NTMT2: variants seen among roughly 807,000 people sequenced by gnomAD.
NTMT2 encodes X-Pro-Lys N-terminal protein methyltransferase 1B.
Under a neutral mutation model 23.4 loss-of-function variants are expected in NTMT2, and 21 were observed. The ratio of observed to expected loss-of-function variants is 0.90; its 90% CI spans 0.64 to 1.29. The LOEUF (loss-of-function observed/expected upper bound fraction) is 1.29, where lower values mean the gene tolerates loss of function less well. NTMT2 is among the 50% of genes most tolerant of loss of function. NTMT2 has a pLI of 0.00. For synonymous variants in NTMT2, 131 were observed against 127.7 expected, an observed-to-expected ratio of 1.03 and a Z score of -0.17; for missense variants, 336 against 352.0, an observed-to-expected ratio of 0.95 and a Z score of 0.36.
At chr1:170,166,451 A>C in intron 2 of NTMT2, 51 bp from the exon 3 acceptor site, 1 of 1,546,826 alleles carries the variant, frequency 6.5e-7, no homozygotes, top group Non-Finnish European at 8.7e-7. Flanking sequence ...TGGGTGTGCA[A>C]TTTTCAAGGA....
intron 1 of NTMT2, among the ~76,000 whole-genome samples, chr1:170,155,732 T>C (rs1337419215): frequency 6.6e-6 from 1 of 152,112 alleles, no homozygotes; most frequent in African/African-American, 2.4e-5. Flanking sequence ...GAAAAGAGGA[T>C]ACTCAGCAGA....
At chr1:170,153,709 G>T (rs549886439) in intron 1 of NTMT2, among the ~76,000 whole-genome samples, 1 of 152,210 alleles carries the variant, frequency 6.6e-6, no homozygotes, top group Non-Finnish European at 1.5e-5. Context: ...GGATTTGGAA[G>T]CGAGAAATGA....
chr1:170,167,524 C>T lies in NTMT2; in HGVS notation c.619C>T (p.Arg207Trp), dbSNP rs778435238. 89 of 1,551,386 alleles carry T rather than the reference C, an allele frequency of 5.7e-5. No homozygotes were observed. Among genetic ancestry groups the T allele is most frequent in the Non-Finnish European group, 7.2e-5 (83 of 1,146,924 alleles). Residue 207 changes from arginine (R) to tryptophan (W), a missense_variant, in exon 4 of 4, where the codon CGG becomes TGG. Coordinates refer to ENST00000439373, the MANE Select transcript of NTMT2 (RefSeq NM_001136107.2). ...TDKDLLAFLS[R>W]CRDGLKENGI... ...TAAGGACCTTCTTGCATTTCTTTCCCGGTGCCGAGATGGCCTGAAAGAAAA... is the reference window on the plus strand; with the variant it reads ...TAAGGACCTTCTTGCATTTCTTTCCTGGTGCCGAGATGGCCTGAAAGAAAA...
chr1:170,160,965 G>A (rs1673263754), intron 2 of NTMT2, among the ~76,000 whole-genome samples: 1 of 152,162 alleles, frequency 6.6e-6, no homozygotes. Context: ...TAGCAGTGTT[G>A]ATATAAAATT....
Position 170,167,513 on chromosome 1 carries a change from C to A in NTMT2, c.608C>A (p.Ala203Glu). Residue 203 changes from alanine (A) to glutamate (E), a missense_variant, in exon 4 of 4, where the codon GCA becomes GAA. By Grantham distance (107) the Ala-to-Glu change is moderately radical. Coordinates refer to ENST00000439373, the MANE Select transcript of NTMT2 (RefSeq NM_001136107.2). ...CACCTGACTGATAAGGACCTTCTTG[C>A]ATTTCTTTCCCGGTGCCGAGATGGC... ...SGHLTDKDLL[A>E]FLSRCRDGLK... The A allele has an allele frequency of 6.4e-7, 1 of 1,551,212 alleles. No homozygotes were observed. Among genetic ancestry groups the A allele is most frequent in the Non-Finnish European group, 8.7e-7 (1 of 1,146,714 alleles).
At chr1:170,147,046 G>GT (rs1400523827) in intron 1 of NTMT2, among the ~76,000 whole-genome samples, 1 of 152,210 alleles carries the variant, frequency 6.6e-6, no homozygotes, top group Non-Finnish European at 1.5e-5. Flanking sequence ...AGAAGGCTGT[G>GT]TATCAGCCTA....
intron 3 of NTMT2, 117 bp downstream of exon 3, chr1:170,166,868 T>C: frequency 9.5e-7 from 1 of 1,056,818 alleles, no homozygotes; most frequent in African/African-American, 1.6e-5. Context: ...AGCAGTTAGC[T>C]AGCCTTAGGT....
At chr1:170,164,921 TA>T (rs1212545446) in intron 2 of NTMT2, among the ~76,000 whole-genome samples, 1 of 152,234 alleles carries the variant, frequency 6.6e-6, no homozygotes, top group Admixed American at 6.5e-5. Context: ...TGGCTATTAT[TA>T]TTCCATTTGG....
At chr1:170,155,908 C>T (rs1673155577) in intron 1 of NTMT2, among the ~76,000 whole-genome samples, 1 of 151,588 alleles carries the variant, frequency 6.6e-6, no homozygotes, top group Non-Finnish European at 1.5e-5. Flanking sequence ...TGTTTTTCTC[C>T]AAATTTTTAT....
chr1:170,158,869 A>G (rs1343520598), intron 1 of NTMT2, among the ~76,000 whole-genome samples: 2 of 151,958 alleles, frequency 1.3e-5, no homozygotes. Context: ...TTGGAATCTT[A>G]TCTTTAATTT....
Position 170,167,538 on chromosome 1 carries a change from C to A in NTMT2, c.633C>A (p.Gly211=), listed in dbSNP as rs191834724. ...CATTTCTTTCCCGGTGCCGAGATGG[C>A]CTGAAAGAAAATGGCATCATCATAT... ...LLAFLSRCRD[G]LKENGIIILK... is the part of the protein sequence containing the mutation. The change falls in exon 4 of 4, where the codon GGC becomes GGA. Residue 211 remains glycine (G), a synonymous_variant. Transcript: ENST00000439373. The A allele has an allele frequency of 6.4e-7, 1 of 1,551,664 alleles. No homozygotes were observed. The highest frequency in any genetic ancestry group is 1.2e-5 in the South Asian group (1 of 84,056).
chr1:170,146,367 C>A, intron 1 of NTMT2, 106 bp downstream of exon 1: 4 of 1,060,004 alleles, frequency 3.8e-6, no homozygotes, highest in Admixed American at 2.9e-5. Context: ...ACTTTTCAGA[C>A]AAAAAAAACT....
At position 170,146,050 on chromosome 1, in the gene NTMT2, A is replaced by G; in HGVS notation, c.-58A>G. 2 of 1,472,324 alleles carry G rather than the reference A, an allele frequency of 1.4e-6. No homozygotes were observed. Among genetic ancestry groups the G allele is most frequent in the Admixed American group, 4.6e-5 (2 of 43,782 alleles). 91.2% of individuals were successfully genotyped at this position (1,472,324 alleles called of 1,614,324 possible). On this transcript the variant is annotated 5_prime_UTR_variant, in exon 1 of 4. Transcript: ENST00000439373. Reference sequence around the variant, plus strand: ...CATTTAGAAAGAGAAGGCTAATTCAAAGAAACAGCAAGGCAAGCTTCCTTT... The same window carrying G: ...CATTTAGAAAGAGAAGGCTAATTCAGAGAAACAGCAAGGCAAGCTTCCTTT...
chr1:170,148,405 G>A (rs1346421770), intron 1 of NTMT2, among the ~76,000 whole-genome samples: 2 of 151,768 alleles, frequency 1.3e-5, no homozygotes, highest in Non-Finnish European at 2.9e-5. Context: ...CCCGTCCAGA[G>A]GCACTTCTCT....
rs1023526554 is a variant in NTMT2 at position 170,167,576 on chromosome 1, T to A, written c.671T>A (p.Val224Glu). The change falls in exon 4 of 4, where the codon GTG (valine) becomes GAG (glutamate). Residue 224 changes from valine (V) to glutamate (E), a missense_variant. Coordinates refer to ENST00000439373, the MANE Select transcript of NTMT2 (RefSeq NM_001136107.2). ...GGCATCATCATATTGAAGGACAATGTGGCCCGGGAGGGCTGTATCCTTGAT... is the reference window on the plus strand; with the variant it reads ...GGCATCATCATATTGAAGGACAATGAGGCCCGGGAGGGCTGTATCCTTGAT... ...ENGIIILKDN[V>E]AREGCILDLS... The A allele has an allele frequency of 3.2e-6, 5 of 1,551,626 alleles. No homozygotes were observed. In the African/African-American group the frequency reaches 6.8e-5, roughly 21 times the overall value.
At chr1:170,162,514 T>C (rs1356604573) in intron 2 of NTMT2, among the ~76,000 whole-genome samples, 1 of 152,170 alleles carries the variant, frequency 6.6e-6, no homozygotes, top group Non-Finnish European at 1.5e-5. Context: ...ATGAAGACTG[T>C]GGATATTTAT....
At position 170,167,778 on chromosome 1, in the gene NTMT2, A is replaced by T. The variant is rs1673426741; in HGVS notation, c.*21A>T. The T allele has an allele frequency of 6.5e-7, 1 of 1,538,430 alleles. No individual in the cohort carries two copies. The highest frequency in any genetic ancestry group is 1.4e-5 in the African/African-American group (1 of 72,934). The stretch of plus-strand genomic sequence containing the variant: ...CCTGAAAAAGCAGTGGGAATGAACG[A>T]CTGGACTGGGCAGTGGTGCTTTGGG... On this transcript the variant is annotated 3_prime_UTR_variant, in exon 4 of 4. Coordinates refer to ENST00000439373, the MANE Select transcript of NTMT2 (RefSeq NM_001136107.2).
At chr1:170,152,719 C>T (rs1050720870) in intron 1 of NTMT2, among the ~76,000 whole-genome samples, 1 of 151,290 alleles carries the variant, frequency 6.6e-6, no homozygotes. Context: ...CCCCCCCCCA[C>T]CACCATTGTT....
chr1:170,165,759 G>C (rs1323721697), intron 2 of NTMT2, among the ~76,000 whole-genome samples: 1 of 151,450 alleles, frequency 6.6e-6, no homozygotes, highest in East Asian at 1.9e-4. Context: ...GCAACAATCT[G>C]TAGTGTAGAA....
Sources: allele counts gnomAD v4.1 joint callset (sites outside exome capture counted in the v4.1 genomes callset), GRCh38; gene constraint gnomAD v4.1.1; transcripts MANE v1.5; gene names NCBI Gene and HGNC (gene_info 2026-07-23, HGNC 2026-07-21).